NELL1: variants seen among roughly 807,000 people sequenced by gnomAD.
The protein encoded by NELL1 is protein kinase C-binding protein NELL1.
A neutral mutation model predicts 107.4 loss-of-function variants in NELL1; 76 were observed. That is an observed-to-expected ratio of 0.71 (90% confidence interval 0.59 to 0.86). The LOEUF (loss-of-function observed/expected upper bound fraction) is 0.86. NELL1 is among the 40% of genes least tolerant of loss of function. NELL1 has a pLI of 0.00. For synonymous variants in NELL1, 353 were observed against 341.2 expected (o/e 1.03, Z -0.38); for missense variants, 1,024 against 1,005.5 (o/e 1.02, Z -0.25).
intron 3 of NELL1, among the ~76,000 whole-genome samples, chr11:20,840,045 C>CT (rs911191587): frequency 1.3e-5 from 2 of 152,058 alleles, no homozygotes; most frequent in Non-Finnish European, 2.9e-5. Context: ...CAAAGTAGTC[C>CT]TAAGGTATTT....
intron 11 of NELL1, among the ~76,000 whole-genome samples, chr11:20,955,275 C>T (rs1851147778): frequency 6.6e-6 from 1 of 152,178 alleles, no homozygotes; most frequent in African/African-American, 2.4e-5. Flanking sequence ...TTGACTGAGG[C>T]AATCACCAGT....
At chr11:21,103,408 G>A (rs999780143) in intron 12 of NELL1, among the ~76,000 whole-genome samples, 2 of 152,160 alleles carry the variant, frequency 1.3e-5, no homozygotes, top group Non-Finnish European at 2.9e-5. Flanking sequence ...TTGTAGAGAG[G>A]CACAACAGAG....
intron 14 of NELL1, among the ~76,000 whole-genome samples, chr11:21,264,839 A>G (rs1848605518): frequency 6.6e-6 from 1 of 151,786 alleles, no homozygotes; most frequent in Admixed American, 6.6e-5. Flanking sequence ...TTTCATTATT[A>G]GCACAAAGAG....
At chr11:20,915,492 T>C (rs1352988079) in intron 5 of NELL1, among the ~76,000 whole-genome samples, 2 of 148,882 alleles carry the variant, frequency 1.3e-5, no homozygotes, top group African/African-American at 5.0e-5. Flanking sequence ...ATGAATAATA[T>C]GAAATAAAGC....
intron 15 of NELL1, among the ~76,000 whole-genome samples, chr11:21,465,317 T>G (rs1417994487): frequency 6.6e-6 from 1 of 152,048 alleles, no homozygotes; most frequent in East Asian, 1.9e-4. Context: ...ATTATGAGCT[T>G]TGCACAAAGT....
chr11:21,201,641 T>C (rs1025132044), intron 13 of NELL1, among the ~76,000 whole-genome samples: 2 of 152,176 alleles, frequency 1.3e-5, no homozygotes, highest in Non-Finnish European at 2.9e-5. Flanking sequence ...CTGATTGCCC[T>C]GGCCAGAACT....
intron 5 of NELL1, among the ~76,000 whole-genome samples, chr11:20,894,984 C>T (rs1033043684): frequency 2.7e-5 from 4 of 150,694 alleles, no homozygotes; most frequent in African/African-American, 9.9e-5. Flanking sequence ...TGAAATTATT[C>T]CCTCTGGCCG....
intron 4 of NELL1, among the ~76,000 whole-genome samples, chr11:20,854,924 A>G (rs945599664): frequency 6.6e-6 from 1 of 152,254 alleles, no homozygotes; most frequent in Admixed American, 6.5e-5. Context: ...AAAGATATAG[A>G]TGGCCAATAT....
At chr11:20,937,884 A>T in intron 10 of NELL1, 25 bp downstream of exon 10, 1 of 1,604,776 alleles carries the variant, frequency 6.2e-7, no homozygotes, top group South Asian at 1.1e-5. Flanking sequence ...TATGGTCCCT[A>T]TCACTTCTGG....
At chr11:20,730,562 C>T (rs921656190) in intron 2 of NELL1, among the ~76,000 whole-genome samples, 3 of 152,180 alleles carry the variant, frequency 2.0e-5, no homozygotes, top group Admixed American at 6.5e-5. Flanking sequence ...GGGCTTGGCT[C>T]ATCTTGCTAT....
intron 15 of NELL1, among the ~76,000 whole-genome samples, chr11:21,449,956 A>G (rs1166643777): frequency 6.6e-6 from 1 of 152,222 alleles, no homozygotes; most frequent in Non-Finnish European, 1.5e-5. Context: ...CAGTAGGTTG[A>G]TAACCTTGGA....
At chr11:21,480,248 T>A (rs1466955821) in intron 15 of NELL1, among the ~76,000 whole-genome samples, 1 of 152,200 alleles carries the variant, frequency 6.6e-6, no homozygotes, top group Non-Finnish European at 1.5e-5. Context: ...AGTGAACCTT[T>A]AACTTGTAAT....
intron 13 of NELL1, among the ~76,000 whole-genome samples, chr11:21,124,360 C>T (rs1377387439): frequency 2.0e-5 from 3 of 152,032 alleles, no homozygotes; most frequent in Non-Finnish European, 2.9e-5. Flanking sequence ...TAGTTCTGAA[C>T]TAAAGTGATT....
intron 13 of NELL1, among the ~76,000 whole-genome samples, chr11:21,136,300 T>C (rs892781899): frequency 6.6e-6 from 1 of 151,908 alleles, no homozygotes; most frequent in African/African-American, 2.4e-5. Context: ...GGGGGGTGGG[T>C]AATGAGGTTG....
intron 14 of NELL1, among the ~76,000 whole-genome samples, chr11:21,363,938 T>G (rs1851148993): frequency 6.6e-6 from 1 of 152,106 alleles, no homozygotes; most frequent in African/African-American, 2.4e-5. Context: ...CCCATCTAAT[T>G]TATCCTCTAT....
intron 14 of NELL1, among the ~76,000 whole-genome samples, chr11:21,370,313 C>T (rs1465024845): frequency 6.6e-6 from 1 of 151,946 alleles, no homozygotes; most frequent in African/African-American, 2.4e-5. Context: ...TAAGACAAGG[C>T]ATTGTTTTTA....
At chr11:21,480,679 C>T (rs182144548) in intron 15 of NELL1, among the ~76,000 whole-genome samples, 110 of 152,248 alleles carry the variant, frequency 7.2e-4, no homozygotes, top group Non-Finnish European at 1.2e-3. Flanking sequence ...AATGGGAAAG[C>T]GACTGCTCTT....
In NELL1 at chr11:21,268,410, A is replaced by C. The variant is rs542475432; in HGVS notation, c.1549+38956A>C. ...TTAACAAAACCTGCCTTTAAGAGGA[A>C]CTATTTTATTTAGCACAGCCTGAAC... On this transcript the variant is annotated intron_variant, in intron 14 of 19. Coordinates refer to ENST00000357134, the MANE Select transcript of NELL1 (RefSeq NM_006157.5). Among the ~76,000 whole-genome samples, 9 of 152,240 alleles carry C rather than the reference A, an allele frequency of 5.9e-5. No individual in the cohort carries two copies. The South Asian group carries it at 1.9e-3, about 32-fold the overall frequency.
At chr11:20,766,387 G>A (rs528754960) in intron 2 of NELL1, among the ~76,000 whole-genome samples, 6 of 152,314 alleles carry the variant, frequency 3.9e-5, no homozygotes, top group Admixed American at 6.5e-5. Context: ...TTGTTTTATT[G>A]GAAAGGAAAG....
Sources: allele counts gnomAD v4.1 joint callset (sites outside exome capture counted in the v4.1 genomes callset), GRCh38; gene constraint gnomAD v4.1.1; transcripts MANE v1.5; gene names NCBI Gene and HGNC (gene_info 2026-07-23, HGNC 2026-07-21).